Variants in TRAK2 observed in about 807,000 individuals in gnomAD.
The protein encoded by TRAK2 is trafficking kinesin-binding protein 2.
Under a neutral mutation model 104.6 loss-of-function variants are expected in TRAK2, and 81 were observed. That is an observed-to-expected ratio of 0.77 (90% CI 0.65 to 0.93). TRAK2 has a LOEUF of 0.93. Among genes scored for constraint, TRAK2 ranks in the 40% least tolerant of loss-of-function variants. The probability of loss-of-function intolerance (pLI) is 0.00; values close to 1 mark genes in which losing one functional copy is unlikely to be tolerated. For missense variants in TRAK2, 1,002 were observed against 1,089.0 expected (o/e 0.92, Z 1.12); for synonymous variants, 406 against 394.4 (o/e 1.03, Z -0.35).
chr2:201,430,125 C>T (rs1212344019), intron 1 of TRAK2, among the ~76,000 whole-genome samples: 4 of 152,176 alleles, frequency 2.6e-5, no homozygotes, highest in African/African-American at 4.8e-5. Context: ...GTATCACCAG[C>T]GGGGGCTGCA....
chr2:201,403,636 T>C (rs1951568111), intron 3 of TRAK2, among the ~76,000 whole-genome samples: 1 of 152,052 alleles, frequency 6.6e-6, no homozygotes, highest in Non-Finnish European at 1.5e-5. Flanking sequence ...CCTGAAAGGA[T>C]ATACATTAAA....
chr2:201,418,821 A>G (rs1403455901), intron 2 of TRAK2, among the ~76,000 whole-genome samples: 1 of 152,214 alleles, frequency 6.6e-6, no homozygotes, highest in South Asian at 2.1e-4. Context: ...TTTTATGTGC[A>G]GATTTCTTAG....
chr2:201,429,635 T>C (rs539704686), intron 1 of TRAK2, among the ~76,000 whole-genome samples: 2 of 152,330 alleles, frequency 1.3e-5, no homozygotes, highest in South Asian at 4.1e-4. Flanking sequence ...GTGATACCCT[T>C]TCTTCCACTT....
chr2:201,393,986 G>A (rs1164824580), intron 9 of TRAK2, among the ~76,000 whole-genome samples: 1 of 152,200 alleles, frequency 6.6e-6, no homozygotes, highest in African/African-American at 2.4e-5. Context: ...CTGGGCTCAA[G>A]CCATCCTCCC....
rs1030458708 is a variant in TRAK2, at chr2:201,447,138, T to C, written c.-200+4212A>G. On this transcript the variant is annotated intron_variant, in intron 1 of 15. Transcript: ENST00000332624. The surrounding 1 kb of genome is among the most constrained non-coding windows in gnomAD (Gnocchi z 4.1). ...TTTACAAGTCTTAGTCTTTCTAAAA[T>C]GCAAATCTAATGCTTTTCCACTGCT... 6.6e-6 allele frequency among the ~76,000 whole-genome samples: 1 copy of C among 152,262 alleles called. No individual in the cohort carries two copies. The highest frequency in any genetic ancestry group is 2.4e-5 in the African/African-American group (1 of 41,474).
intron 1 of TRAK2, among the ~76,000 whole-genome samples, chr2:201,428,310 T>C (rs1326761731): frequency 2.0e-5 from 3 of 152,152 alleles, no homozygotes; most frequent in Non-Finnish European, 2.9e-5. Flanking sequence ...AGGTCTAACA[T>C]TTAAGTATTT....
intron 10 of TRAK2, among the ~76,000 whole-genome samples, chr2:201,390,550 C>G (rs753302108): frequency 5.5e-5 from 7 of 127,220 alleles, no homozygotes; most frequent in Non-Finnish European, 7.9e-5. Context: ...GGTGACAGAG[C>G]GAGACTCCGT....
chr2:201,430,568 C>T (rs956554062), intron 1 of TRAK2, among the ~76,000 whole-genome samples: 2 of 152,218 alleles, frequency 1.3e-5, no homozygotes, highest in African/African-American at 2.4e-5. Flanking sequence ...CCTTACAGTT[C>T]GATCTTGGAC....
rs1313271685 is a variant in TRAK2 at position 201,377,563 on chromosome 2, G to A, written c.*2980C>T. The A allele has an allele frequency of 1.3e-5, 2 of 152,566 alleles. No individual in the cohort carries two copies. The highest frequency in any genetic ancestry group is 4.8e-5 in the African/African-American group (2 of 41,456). The allele number at this position is 152,566 out of a possible 1,614,324, so 9.5% of individuals were successfully genotyped here. The stretch of plus-strand genomic sequence containing the variant: ...ATGGTCAGAAAAGATAACAAGCTTT[G>A]AGTACTGTGTAAAATTATACCCTTT... On this transcript the variant is annotated 3_prime_UTR_variant, in exon 16 of 16. Transcript: ENST00000332624.
intron 15 of TRAK2, among the ~76,000 whole-genome samples, chr2:201,381,881 G>A (rs767560641): frequency 5.3e-5 from 8 of 152,086 alleles, no homozygotes. Context: ...CCTGAAACAT[G>A]TGTTTTTAGG....
intron 1 of TRAK2, among the ~76,000 whole-genome samples, chr2:201,436,852 A>C (rs1158476382): frequency 6.6e-6 from 1 of 152,200 alleles, no homozygotes; most frequent in Non-Finnish European, 1.5e-5. Context: ...ATCTTATATG[A>C]CCAGAACAGA....
At chr2:201,409,242 C>T (rs368301425) in intron 2 of TRAK2, among the ~76,000 whole-genome samples, 1 of 151,012 alleles carries the variant, frequency 6.6e-6, no homozygotes, top group South Asian at 2.1e-4. Context: ...TAGTACAATG[C>T]GCCTTGCACA....
chr2:201,391,676 C>A (rs1178247824), intron 10 of TRAK2, among the ~76,000 whole-genome samples: 1 of 152,102 alleles, frequency 6.6e-6, no homozygotes, highest in East Asian at 1.9e-4. Flanking sequence ...ATTACCTTAA[C>A]CAAGAGATCA....
intron 2 of TRAK2, among the ~76,000 whole-genome samples, chr2:201,408,938 T>C (rs1951620366): frequency 6.6e-6 from 1 of 152,256 alleles, no homozygotes; most frequent in South Asian, 2.1e-4. Flanking sequence ...TTATCATTTT[T>C]ATTTTAAAGA....
intron 8 of TRAK2, 173 bp downstream of exon 8, chr2:201,395,141 T>C: frequency 3.1e-6 from 2 of 635,212 alleles, no homozygotes; most frequent in Non-Finnish European, 5.2e-6. Context: ...CTTGAAAGTA[T>C]TTATTCATGA....
chr2:201,421,576 G>A (rs185763225), intron 1 of TRAK2, among the ~76,000 whole-genome samples: 277 of 151,932 alleles, frequency 1.8e-3, no homozygotes, highest in African/African-American at 6.2e-3. Flanking sequence ...GGTGGGGGGG[G>A]CAAAATTCAT....
intron 1 of TRAK2, among the ~76,000 whole-genome samples, chr2:201,421,169 G>T (rs938980741): frequency 6.6e-6 from 1 of 152,068 alleles, no homozygotes; most frequent in East Asian, 1.9e-4. Flanking sequence ...ATATATTGTA[G>T]AGTCTATAAC....
At chr2:201,428,189 T>C (rs1444750880) in intron 1 of TRAK2, among the ~76,000 whole-genome samples, 2 of 152,294 alleles carry the variant, frequency 1.3e-5, no homozygotes, top group South Asian at 2.1e-4. Flanking sequence ...CCCATTTGTC[T>C]ATTTTGGCTT....
chr2:201,450,601 G>C (rs546509040), intron 1 of TRAK2, among the ~76,000 whole-genome samples: 2 of 151,938 alleles, frequency 1.3e-5, no homozygotes, highest in Admixed American at 6.5e-5. Context: ...TAAAGGTCGG[G>C]AAGATTTACG....
Sources: gnomAD v4.1 joint callset for allele counts (sites outside exome capture counted in the v4.1 genomes callset) on GRCh38, gnomAD v4.1.1 for gene constraint, Gnocchi (gnomAD v3.1) non-coding constraint, MANE v1.5 for transcripts, NCBI Gene and HGNC (gene_info 2026-07-23, HGNC 2026-07-21) for gene names.